Variants in PRKDC observed in about 807,000 individuals in gnomAD.
The protein encoded by PRKDC is DNA-dependent protein kinase catalytic subunit.
A neutral mutation model predicts 486.9 loss-of-function variants in PRKDC; 82 were observed. The observed-to-expected ratio is 0.17, with a 90% CI of 0.14 to 0.20. PRKDC has a LOEUF of 0.20. Among genes scored for constraint, PRKDC ranks in the 10% least tolerant of loss-of-function variants. PRKDC has a pLI of 1.00. For missense variants in PRKDC, 4,504 were observed against 5,038.2 expected, an observed-to-expected ratio of 0.89 and a Z score of 3.21; for synonymous variants, 1,895 against 1,837.0, an observed-to-expected ratio of 1.03 and a Z score of -0.81.
chr8:47,817,151 T>C (rs1346731439), intron 68 of PRKDC, among the ~76,000 whole-genome samples: 1 of 152,228 alleles, frequency 6.6e-6, no homozygotes, highest in Admixed American at 6.5e-5. Context: ...TCTAACTACT[T>C]AACATTCCGT....
Position 47,935,068 on chromosome 8 carries a change from G to GA in PRKDC, c.1448-11dup, listed in dbSNP as rs559118181. 37 of 1,447,610 alleles carry GA rather than the reference G, an allele frequency of 2.6e-5. No individual in the cohort carries two copies. In the East Asian group the frequency reaches 9.6e-4, roughly 38 times the overall value. 89.7% of individuals were successfully genotyped at this position (1,447,610 alleles called of 1,614,324 possible). On this transcript the variant is annotated splice_polypyrimidine_tract_variant and intron_variant, in intron 13 of 85. Coordinates refer to ENST00000314191, the MANE Select transcript of PRKDC (RefSeq NM_006904.7). ...ATTAAACCCTGATGCACTGAAAAAA[G>GA]AAAAAGAAAACAAAAATGAAGGAAA...
intron 28 of PRKDC, among the ~76,000 whole-genome samples, chr8:47,899,582 G>A (rs1260339372): frequency 6.6e-6 from 1 of 152,206 alleles, no homozygotes; most frequent in Non-Finnish European, 1.5e-5. Flanking sequence ...GGCGGAGGTT[G>A]CAGTGAGCTG....
intron 68 of PRKDC, among the ~76,000 whole-genome samples, chr8:47,815,778 A>G (rs2087430395): frequency 6.6e-6 from 1 of 152,242 alleles, no homozygotes; most frequent in Admixed American, 6.5e-5. Context: ...GTCATCCACA[A>G]ATGTGAAATA....
intron 72 of PRKDC, 104 bp downstream of exon 72, chr8:47,799,106 T>C: frequency 7.2e-7 from 1 of 1,393,790 alleles, no homozygotes; most frequent in Non-Finnish European, 9.8e-7. Flanking sequence ...TTTCAAAATA[T>C]TTGTAATTTG....
intron 4 of PRKDC, among the ~76,000 whole-genome samples, chr8:47,954,971 C>G (rs1003947606): frequency 8.6e-5 from 13 of 151,598 alleles, no homozygotes; most frequent in African/African-American, 3.1e-4. Context: ...GTGACCAACA[C>G]AGTAAAACCC....
At chr8:47,949,215 G>T (rs1345824212) in intron 7 of PRKDC, among the ~76,000 whole-genome samples, 1 of 152,120 alleles carries the variant, frequency 6.6e-6, no homozygotes, top group African/African-American at 2.4e-5. Flanking sequence ...GATGATCCAG[G>T]ATCATCTCTT....
intron 68 of PRKDC, among the ~76,000 whole-genome samples, chr8:47,814,055 G>A (rs1244291946): frequency 2.6e-5 from 4 of 152,160 alleles, no homozygotes; most frequent in Admixed American, 1.3e-4. Flanking sequence ...TTTACCCTAA[G>A]AATGCAAGAT....
intron 55 of PRKDC, 56 bp from the exon 56 acceptor site, chr8:47,839,302 G>T: frequency 1.6e-6 from 2 of 1,224,676 alleles, no homozygotes; most frequent in Non-Finnish European, 2.4e-6. Context: ...TGGCCCTTTT[G>T]TTCAACTACA....
At chr8:47,779,912 CTTTTTTTTTTT>C (rs925534980) in intron 80 of PRKDC, among the ~76,000 whole-genome samples, 8 of 107,066 alleles carry the variant, frequency 7.5e-5, no homozygotes, top group South Asian at 3.2e-4. Flanking sequence ...TTTGTTTTGT[CTTTTTTTTTTT>C]TTTTTTTTTG....
At chr8:47,821,968 G>C (rs2087608142) in intron 64 of PRKDC, among the ~76,000 whole-genome samples, 176 bp from the exon 65 acceptor site, 1 of 152,106 alleles carries the variant, frequency 6.6e-6, no homozygotes, top group African/African-American at 2.4e-5. Context: ...AAACCAAAAG[G>C]AATCCTACAG....
At chr8:47,795,488 C>CT (rs79687127) in intron 73 of PRKDC, among the ~76,000 whole-genome samples, 1,363 of 135,634 alleles carry the variant, frequency 0.01, 14 homozygotes, top group African/African-American at 0.013. Context: ...CGCACCCGGC[C>CT]TTTTTTTTTT....
chr8:47,942,890 G>A (rs1377423658), intron 10 of PRKDC, among the ~76,000 whole-genome samples: 1 of 152,206 alleles, frequency 6.6e-6, no homozygotes, highest in Non-Finnish European at 1.5e-5. Context: ...TCTTCCAGGA[G>A]AGATGGGGCT....
intron 40 of PRKDC, among the ~76,000 whole-genome samples, chr8:47,876,215 C>T (rs932611649): frequency 7.2e-5 from 11 of 152,154 alleles, no homozygotes; most frequent in African/African-American, 2.7e-4. Flanking sequence ...GAACTATATA[C>T]TTACAGTGGG....
At chr8:47,944,050 C>A in intron 7 of PRKDC, 21 bp from the exon 8 acceptor site, 1 of 1,545,236 alleles carries the variant, frequency 6.5e-7, no homozygotes, top group Non-Finnish European at 8.8e-7. Context: ...ACCAAGAAGC[C>A]TGTTACAAAT....
At chr8:47,859,816 T>C in intron 45 of PRKDC, 57 bp from the exon 46 acceptor site, 9 of 1,459,908 alleles carry the variant, frequency 6.2e-6, no homozygotes, top group South Asian at 1.2e-5. Flanking sequence ...GTAAGAAATG[T>C]ATTTCTCTAA....
intron 68 of PRKDC, among the ~76,000 whole-genome samples, chr8:47,810,064 T>A (rs142299924): frequency 4.9e-4 from 75 of 152,292 alleles, no homozygotes; most frequent in African/African-American, 1.7e-3. Context: ...TGCCCTGAAG[T>A]GTGCATGTGC....
intron 10 of PRKDC, among the ~76,000 whole-genome samples, chr8:47,942,169 G>C (rs1182263875): frequency 1.3e-5 from 2 of 152,240 alleles, no homozygotes; most frequent in Non-Finnish European, 2.9e-5. Flanking sequence ...TGTTTACTGA[G>C]ATCCAAACAT....
Position 47,860,859 on chromosome 8 carries a change from T to C in PRKDC, c.6058+40A>G, listed in dbSNP as rs1563772142. ...GAACAAAACAAAACAAAATAACCCA[T>C]CGATTTGAATCCTTTCTCATGATTT... On this transcript the variant is annotated intron_variant, in intron 45 of 85. Transcript: ENST00000314191. The C allele has an allele frequency of 2.7e-6, 4 of 1,486,588 alleles. No individual in the cohort carries two copies. In the Admixed American group the frequency reaches 5.6e-5, roughly 21 times the overall value. The allele number at this position is 1,486,588 out of a possible 1,614,324, so 92.1% of individuals were successfully genotyped here. A position where few individuals can be genotyped will look rare whatever the true frequency, so the allele number is the denominator to read the frequency against.
At chr8:47,935,997 C>T (rs918327081) in intron 12 of PRKDC, 97 bp from the exon 13 acceptor site, 28 of 1,189,676 alleles carry the variant, frequency 2.4e-5, no homozygotes, top group Non-Finnish European at 3.2e-5. Context: ...GAATTAGATA[C>T]TTATTAAAAG....
Sources: allele counts gnomAD v4.1 joint callset (sites outside exome capture counted in the v4.1 genomes callset), GRCh38; gene constraint gnomAD v4.1.1; transcripts MANE v1.5; gene names NCBI Gene and HGNC (gene_info 2026-07-23, HGNC 2026-07-21).